SMARCA4: variants seen among roughly 807,000 people sequenced by gnomAD.
SMARCA4 encodes SWI/SNF-related matrix-associated actin-dependent regulator of chromatin subfamily A member 4.
A neutral mutation model predicts 193.9 loss-of-function variants in SMARCA4; 31 were observed. The ratio of observed to expected loss-of-function variants is 0.16; its 90% confidence interval spans 0.12 to 0.22. The LOEUF is 0.22. SMARCA4 is among the 10% of genes least tolerant of loss of function. The pLI, the probability that SMARCA4 is intolerant of heterozygous loss-of-function variation, is 1.00. For synonymous variants in SMARCA4, 942 were observed against 933.1 expected (o/e 1.01, Z -0.17); for missense variants, 1,148 against 2,296.0 (o/e 0.50, Z 10.22).
At chr19:11,036,613 C>T (rs1256430261) in intron 29 of SMARCA4, among the ~76,000 whole-genome samples, 5 of 152,154 alleles carry the variant, frequency 3.3e-5, no homozygotes, top group East Asian at 3.8e-4. Flanking sequence ...TCAGTTCATA[C>T]GTGGCTGCTC....
chr19:10,967,221 G>A (rs1339246289), intron 1 of SMARCA4, among the ~76,000 whole-genome samples: 2 of 152,204 alleles, frequency 1.3e-5, no homozygotes, highest in African/African-American at 4.8e-5. Context: ...AGCTGGGTTT[G>A]TTGTTACAGG....
chr19:11,039,373 C>T (rs1158210159), intron 29 of SMARCA4: 7 of 713,718 alleles, frequency 9.8e-6, no homozygotes, highest in Non-Finnish European at 1.2e-5. Flanking sequence ...GGGAAATGAC[C>T]TAAATGCCCA....
chr19:10,969,845 CATT>C (rs58201768), intron 1 of SMARCA4, among the ~76,000 whole-genome samples: 8,180 of 152,130 alleles, frequency 0.054, 287 homozygotes, highest in South Asian at 0.11. Context: ...AAATTAAAGT[CATT>C]ATCAGACCGT....
intron 1 of SMARCA4, among the ~76,000 whole-genome samples, chr19:10,976,515 G>A (rs1233178647): frequency 1.3e-5 from 2 of 152,168 alleles, no homozygotes; most frequent in African/African-American, 4.8e-5. Context: ...TAGCACTTTC[G>A]GAGGTTGAGG....
At chr19:11,022,155 A>G (rs986438281) in intron 19 of SMARCA4, among the ~76,000 whole-genome samples, 188 bp downstream of exon 19, 1 of 152,210 alleles carries the variant, frequency 6.6e-6, no homozygotes, top group African/African-American at 2.4e-5. Context: ...CCAGGGGAGC[A>G]GGGCAGAGGT....
chr19:11,000,010 A>G (rs2087475318), intron 11 of SMARCA4, among the ~76,000 whole-genome samples: 1 of 151,394 alleles, frequency 6.6e-6, no homozygotes, highest in Non-Finnish European at 1.5e-5. Context: ...CGGATCACCT[A>G]AGGTCAAGAG....
In SMARCA4 at chr19:10,994,904, A is replaced by C; in HGVS notation, c.1496A>C (p.Lys499Thr). ...YHRSVTGKIQKLTKAVATYHA... is the reference protein window; with the variant it reads ...YHRSVTGKIQTLTKAVATYHA... ...AGATCCGTCACAGGCAAAATCCAGAAGCTGACCAAGGCAGTGGCCACGTAC... is the reference window on the plus strand; with the variant it reads ...AGATCCGTCACAGGCAAAATCCAGACGCTGACCAAGGCAGTGGCCACGTAC... Residue 499 changes from lysine (K) to threonine (T), a missense_variant, in exon 9 of 35, where the codon AAG becomes ACG. Around this residue, in one of 17 missense-constraint regions of SMARCA4, gnomAD observed 69 missense variants for 186.9 expected, o/e 0.37. Coordinates refer to ENST00000344626, the MANE Select transcript of SMARCA4 (RefSeq NM_003072.5). 6.2e-7 allele frequency: 1 copy of C among 1,614,178 alleles called. No individual in the cohort carries two copies. Among genetic ancestry groups the C allele is most frequent in the African/African-American group, 1.3e-5 (1 of 75,070 alleles).
At chr19:10,963,259 A>G (rs898064348) in intron 1 of SMARCA4, among the ~76,000 whole-genome samples, 3 of 151,302 alleles carry the variant, frequency 2.0e-5, no homozygotes, top group African/African-American at 4.9e-5. Flanking sequence ...GGTGGTCCCA[A>G]CTACTCAGGA....
rs1377505488 is a variant in SMARCA4, at chr19:11,041,530, T to C, written c.4394T>C (p.Ile1465Thr). ...PPNLTKKMKK[I>T]VDAVIKYKDS... Reference sequence around the variant, plus strand: ...AACCTCACCAAGAAGATGAAGAAGATTGTGGATGCCGTGATCAAGTACAAG... The same window carrying C: ...AACCTCACCAAGAAGATGAAGAAGACTGTGGATGCCGTGATCAAGTACAAG... Residue 1465 changes from isoleucine (I) to threonine (T), a missense_variant, in exon 30 of 35, where the codon ATT becomes ACT. Physicochemically the swap from Ile to Thr is moderately conservative, Grantham distance 89. Transcript: ENST00000344626. The surrounding 1 kb of genome is among the most constrained non-coding windows in gnomAD (Gnocchi z 5.6). 1 of 1,610,248 alleles carries C rather than the reference T, an allele frequency of 6.2e-7. No homozygotes were observed. Among genetic ancestry groups the C allele is most frequent in the Non-Finnish European group, 8.5e-7 (1 of 1,177,852 alleles).
intron 30 of SMARCA4, among the ~76,000 whole-genome samples, chr19:11,044,164 C>T (rs960191376): frequency 1.3e-5 from 2 of 152,062 alleles, no homozygotes; most frequent in African/African-American, 2.4e-5. Context: ...TGGGTATCCA[C>T]GTAGAGAGGA....
chr19:11,019,004 T>C lies in SMARCA4; in HGVS notation c.2486T>C (p.Val829Ala), dbSNP rs1455752885. 1.2e-6 allele frequency: 2 copies of C among 1,613,902 alleles called. No homozygotes were observed. Among genetic ancestry groups the C allele is most frequent in the Non-Finnish European group, 1.7e-6 (2 of 1,179,868 alleles). The change falls in exon 17 of 35, where the codon GTG (valine) becomes GCG (alanine). Residue 829 changes from valine to alanine, a missense_variant. This residue lies in a region of SMARCA4 where 54 missense variants were observed against 123.3 expected (regional missense o/e 0.44). Coordinates refer to ENST00000344626, the MANE Select transcript of SMARCA4 (RefSeq NM_003072.5). This position sits in a 1 kb window ranked among gnomAD's most constrained non-coding sequence, Gnocchi z 6.1. ...GAGTTTGACAAGTGGGCCCCCTCCGTGGTGAAGGTGTCTTACAAGGTAGGT... is the reference window on the plus strand; with the variant it reads ...GAGTTTGACAAGTGGGCCCCCTCCGCGGTGAAGGTGTCTTACAAGGTAGGT... The part of the protein sequence containing the change: ...AYEFDKWAPS[V>A]VKVSYKGSPA...
At chr19:10,993,861 G>A (rs949761316) in intron 8 of SMARCA4, among the ~76,000 whole-genome samples, 6 of 151,714 alleles carry the variant, frequency 4.0e-5, no homozygotes, top group African/African-American at 1.5e-4. Context: ...TAGCCAGGAT[G>A]GTATCGATCT....
intron 11 of SMARCA4, 127 bp from the exon 12 acceptor site, chr19:11,002,902 C>A: frequency 1.0e-6 from 1 of 970,562 alleles, no homozygotes; most frequent in Non-Finnish European, 1.6e-6. Context: ...CATTTTCCCA[C>A]CACTGGCCAT....
chr19:11,019,576 C>T lies in SMARCA4; in HGVS notation c.2506-15C>T, dbSNP rs1165372720. ...GGCTCCAAAAGCCGAGCTGTGCATC[C>T]TGCTTCCCTTGCAGGGATCCCCAGC... On this transcript the variant is annotated splice_polypyrimidine_tract_variant and intron_variant, in intron 17 of 34. Coordinates refer to ENST00000344626, the MANE Select transcript of SMARCA4 (RefSeq NM_003072.5). This position sits in a 1 kb window ranked among gnomAD's most constrained non-coding sequence, Gnocchi z 6.1. The T allele has an allele frequency of 6.3e-7, 1 of 1,589,140 alleles. No homozygotes were observed. Among genetic ancestry groups the T allele is most frequent in the Non-Finnish European group, 8.6e-7 (1 of 1,161,912 alleles).
At chr19:11,023,941 G>A (rs905605890) in intron 20 of SMARCA4, among the ~76,000 whole-genome samples, 1 of 152,196 alleles carries the variant, frequency 6.6e-6, no homozygotes, top group African/African-American at 2.4e-5. Context: ...GTTGCCCCCC[G>A]GCCCCCCATC....
At chr19:11,042,300 C>T (rs995822187) in intron 30 of SMARCA4, among the ~76,000 whole-genome samples, 7 of 152,198 alleles carry the variant, frequency 4.6e-5, no homozygotes, top group African/African-American at 1.7e-4. Flanking sequence ...TATATGGGTA[C>T]CATTTAAATA....
At chr19:10,995,675 A>C (rs2145957410) in intron 9 of SMARCA4, 1 of 370,080 alleles carries the variant, frequency 2.7e-6, no homozygotes. Context: ...GGCAGCCGGT[A>C]GCCCTGGGCT....
chr19:11,024,512 C>T (rs1267934995), intron 21 of SMARCA4, 74 bp downstream of exon 21: 4 of 926,664 alleles, frequency 4.3e-6, no homozygotes, highest in Non-Finnish European at 7.0e-6. Flanking sequence ...CAGAGCAGAG[C>T]GTGCTCTGAC....
chr19:11,004,926 G>A (rs935988222), intron 13 of SMARCA4, among the ~76,000 whole-genome samples: 5 of 151,240 alleles, frequency 3.3e-5, no homozygotes, highest in Admixed American at 1.3e-4. Context: ...TGCAATCTCT[G>A]CCTCCCGGGT....
Sources: allele counts gnomAD v4.1 joint callset (sites outside exome capture counted in the v4.1 genomes callset), GRCh38; gene constraint gnomAD v4.1.1; regional missense constraint gnomAD v4.1.1; non-coding constraint Gnocchi (gnomAD v3.1); transcripts MANE v1.5; gene names NCBI Gene and HGNC (gene_info 2026-07-23, HGNC 2026-07-21).